Variants in PKM observed in about 807,000 individuals in gnomAD.
PKM encodes the protein pyruvate kinase M1/2, also known as pyruvate kinase PKM.
A neutral mutation model predicts 49.8 loss-of-function variants in PKM; 18 were observed. The ratio of observed to expected loss-of-function variants is 0.36; its 90% CI spans 0.25 to 0.54. The LOEUF is 0.54. PKM is among the 20% of genes least tolerant of loss of function. PKM has a pLI of 0.89. For synonymous variants in PKM, 239 were observed against 261.8 expected (o/e 0.91, Z 0.84); for missense variants, 508 against 713.8 (o/e 0.71, Z 3.28).
At chr15:72,220,122 C>G (rs6494994) in intron 1 of PKM, among the ~76,000 whole-genome samples, 3,669 of 152,266 alleles carry the variant, frequency 0.024, 144 homozygotes, top group African/African-American at 0.085. Flanking sequence ...CCAGACCAGG[C>G]AGTGTTTGAA....
At chr15:72,223,915 C>CT (rs1363331156) in intron 1 of PKM, among the ~76,000 whole-genome samples, 1 of 51,888 alleles carries the variant, frequency 1.9e-5, no homozygotes, top group Admixed American at 2.4e-4. Flanking sequence ...AATTCCCTGG[C>CT]TTTAAAAAAA....
At chr15:72,229,667 G>T (rs531098159) in intron 1 of PKM, 1 of 1,245,184 alleles carries the variant, frequency 8.0e-7, no homozygotes, top group African/African-American at 1.5e-5. Context: ...CCCACAGCAG[G>T]AAGCTCGTAC....
At chr15:72,209,065 C>T in intron 5 of PKM, 174 bp from the exon 6 acceptor site, 1 of 674,116 alleles carries the variant, frequency 1.5e-6, no homozygotes, top group Non-Finnish European at 2.6e-6. Context: ...AGCCATTTAA[C>T]CTCTCTGTAC....
intron 1 of PKM, among the ~76,000 whole-genome samples, chr15:72,223,668 G>A (rs1382287052): frequency 1.3e-5 from 2 of 152,142 alleles, no homozygotes; most frequent in East Asian, 1.9e-4. Flanking sequence ...AATGGGTGAC[G>A]GGCCAGCAGA....
chr15:72,221,314 G>A, intron 1 of PKM: 2 of 1,359,698 alleles, frequency 1.5e-6, no homozygotes, highest in South Asian at 2.5e-5. Flanking sequence ...AAAGCTGAGT[G>A]TAACTAAAGC....
chr15:72,231,064 G>A (rs575706733), intron 1 of PKM, 52 bp downstream of exon 1: 10 of 756,264 alleles, frequency 1.3e-5, no homozygotes, highest in African/African-American at 8.9e-5. Flanking sequence ...CGCACTAGCC[G>A]GGCGACTGGC....
chr15:72,228,749 C>G (rs1010425676), intron 1 of PKM: 1 of 549,560 alleles, frequency 1.8e-6, no homozygotes, highest in African/African-American at 2.0e-5. Context: ...TATTTGCTAA[C>G]AACGCTGCAG....
rs190949780 is a variant in PKM, at chr15:72,229,879, G to A, written c.-14+1237C>T. 3.3e-5 allele frequency among the ~76,000 whole-genome samples: 5 copies of A among 149,668 alleles called. No individual in the cohort carries two copies. In the East Asian group the frequency reaches 9.8e-4, roughly 29 times the overall value. ...CCGCGGCCTCCGCGTTCCACAATCAGGACGCATTTGTTAAAAAATGTGCCG... is the reference window on the plus strand; with the variant it reads ...CCGCGGCCTCCGCGTTCCACAATCAAGACGCATTTGTTAAAAAATGTGCCG... On this transcript the variant is annotated intron_variant, in intron 1 of 10. Coordinates refer to ENST00000335181, the MANE Select transcript of PKM (RefSeq NM_002654.6).
rs2082045137 is a variant in PKM, at chr15:72,205,326, G to A, written c.1140+1402C>T. 2.6e-5 allele frequency among the ~76,000 whole-genome samples: 4 copies of A among 152,050 alleles called. No homozygotes were observed. In the South Asian group the frequency reaches 8.3e-4, roughly 31 times the overall value. On this transcript the variant is annotated intron_variant, in intron 8 of 10. Transcript: ENST00000335181. The stretch of plus-strand genomic sequence containing the variant: ...TTTTAGTAGAGACAGGGTTTCACCA[G>A]GTTGCCCAGGCTGGTCTTCTGAGCT...
At chr15:72,207,961 T>A (rs1033442203) in intron 6 of PKM, among the ~76,000 whole-genome samples, 1 of 152,214 alleles carries the variant, frequency 6.6e-6, no homozygotes, top group Non-Finnish European at 1.5e-5. Flanking sequence ...TTGTGCTGAG[T>A]TGTATTCCTA....
rs190687758 is a variant in PKM, at chr15:72,208,056, G to T, written c.836+565C>A. The stretch of plus-strand genomic sequence containing the variant: ...GGGGTAAGCTAAGTTGGGGCAATCT[G>T]AAACTGGAGAAGAACCACACATCTT... On this transcript the variant is annotated intron_variant, in intron 6 of 10. Coordinates refer to ENST00000335181, the MANE Select transcript of PKM (RefSeq NM_002654.6). Among the ~76,000 whole-genome samples, 113 of 152,312 alleles carry T rather than the reference G, an allele frequency of 7.4e-4. 1 individual carries two copies. The highest frequency in any genetic ancestry group is 3.4e-3 in the Middle Eastern group (1 of 294).
Position 72,217,509 on chromosome 15 carries a change from A to G in PKM, c.155-9T>C. The G allele has an allele frequency of 1.3e-6, 2 of 1,518,442 alleles. No homozygotes were observed. Among genetic ancestry groups the G allele is most frequent in the Non-Finnish European group, 1.8e-6 (2 of 1,092,852 alleles). 94.1% of individuals were successfully genotyped at this position (1,518,442 alleles called of 1,614,324 possible). A position where few individuals can be genotyped will look rare whatever the true frequency, so the allele number is the denominator to read the frequency against. On this transcript the variant is annotated splice_polypyrimidine_tract_variant and intron_variant, in intron 2 of 10. Coordinates refer to ENST00000335181, the MANE Select transcript of PKM (RefSeq NM_002654.6). Reference sequence around the variant, plus strand: ...TGATCGGGAAGCTGGGCCTATTAGGAAAAGTTTTAAAGCCACAAGTATTAA... The same window carrying G: ...TGATCGGGAAGCTGGGCCTATTAGGGAAAGTTTTAAAGCCACAAGTATTAA...
chr15:72,199,613 G>C lies in PKM; in HGVS notation c.*37C>G. Reference sequence around the variant, plus strand: ...CCTAATGGATGGGCTGGGGGAAGGGGGTGGGACAGGGGCTGGAGGAGGGGC... The same window carrying C: ...CCTAATGGATGGGCTGGGGGAAGGGCGTGGGACAGGGGCTGGAGGAGGGGC... On this transcript the variant is annotated 3_prime_UTR_variant, in exon 11 of 11. Transcript: ENST00000335181. 7.1e-7 allele frequency: 1 copy of C among 1,414,196 alleles called. No homozygotes were observed. Among genetic ancestry groups the C allele is most frequent in the Non-Finnish European group, 1.0e-6 (1 of 999,172 alleles). 87.6% of individuals were successfully genotyped at this position (1,414,196 alleles called of 1,614,324 possible).
intron 1 of PKM, among the ~76,000 whole-genome samples, chr15:72,221,909 T>A (rs2082535613): frequency 7.6e-6 from 1 of 131,150 alleles, no homozygotes. Flanking sequence ...CCTTAATACA[T>A]TCAGAACCTC....
Position 72,199,463 on chromosome 15 carries a change from G to A in PKM, c.*187C>T. On this transcript the variant is annotated 3_prime_UTR_variant, in exon 11 of 11. Coordinates refer to ENST00000335181, the MANE Select transcript of PKM (RefSeq NM_002654.6). ...CCACATGATGGGCAGCCAGGCTCTG[G>A]GCTGTCCCACTAGAGCAGGCTGCAA... 1 of 699,762 alleles carries A rather than the reference G, an allele frequency of 1.4e-6. No individual in the cohort carries two copies. Among genetic ancestry groups the A allele is most frequent in the East Asian group, 2.7e-5 (1 of 37,042 alleles). 43.3% of individuals were successfully genotyped at this position (699,762 alleles called of 1,614,324 possible).
At chr15:72,212,747 T>C (rs149055434) in intron 3 of PKM, among the ~76,000 whole-genome samples, 1 of 152,152 alleles carries the variant, frequency 6.6e-6, no homozygotes, top group African/African-American at 2.4e-5. Context: ...GAAGGCTCTA[T>C]ATTTAGCTAT....
rs549779103 is a variant in PKM, at chr15:72,229,699, G to A, written c.-14+1417C>T. 1.3e-4 allele frequency: 165 copies of A among 1,224,470 alleles called. 1 individual carries two copies. The South Asian group carries it at 2.1e-3, about 16-fold the overall frequency. The allele number at this position is 1,224,470 out of a possible 1,614,324, so 75.9% of individuals were successfully genotyped here. A position where few individuals can be genotyped will look rare whatever the true frequency, so the allele number is the denominator to read the frequency against. On this transcript the variant is annotated intron_variant, in intron 1 of 10. Transcript: ENST00000335181. ...GTACCCCACTCCCAGCATTACAGGA[G>A]ATACATTTTAAGATTGTGAGCTCGG...
At chr15:72,209,406 T>C (rs1480236603) in intron 5 of PKM, 1 of 5,300 alleles carries the variant, frequency 1.9e-4, no homozygotes, top group African/African-American at 3.0e-4. Context: ...AATATATATA[T>C]ATATATATAT....
At position 72,208,774 on chromosome 15, in the gene PKM, T is replaced by C; in HGVS notation, c.683A>G (p.Asp228Gly). ...ATCCTGCTCGACCCCAAACTTCAGA[T>C]CCTGGATGTCCTTCTCCGACACAGC... ...LPAVSEKDIQ[D>G]LKFGVEQDVD... is the part of the protein sequence containing the mutation. The change falls in exon 6 of 11, where the codon GAT (aspartate) becomes GGT (glycine). Residue 228 changes from aspartate (D) to glycine (G), a missense_variant. Asp to Gly is a moderately conservative substitution (Grantham distance 94). Transcript: ENST00000335181. 1.9e-6 allele frequency: 3 copies of C among 1,614,154 alleles called. No individual in the cohort carries two copies. The highest frequency in any genetic ancestry group is 2.5e-6 in the Non-Finnish European group (3 of 1,180,036).
Sources: gnomAD v4.1 joint callset for allele counts (sites outside exome capture counted in the v4.1 genomes callset) on GRCh38, gnomAD v4.1.1 for gene constraint, MANE v1.5 for transcripts, NCBI Gene and HGNC (gene_info 2026-07-23, HGNC 2026-07-21) for gene names.